MLLT3: variants seen among roughly 807,000 people sequenced by gnomAD.
MLLT3 encodes protein AF-9.
In MLLT3, 4 loss-of-function variants were observed where a neutral mutation model predicts 53.2. The observed-to-expected ratio is 0.08, with a 90% CI of 0.04 to 0.17. The LOEUF (loss-of-function observed/expected upper bound fraction) is 0.17. Among genes scored for constraint, MLLT3 ranks in the 10% least tolerant of loss-of-function variants. The pLI is 1.00. For synonymous variants in MLLT3, 283 were observed against 230.6 expected (o/e 1.23, Z -2.06); for missense variants, 569 against 684.0 (o/e 0.83, Z 1.87).
chr9:20,444,485 A>T (rs1823640424), intron 4 of MLLT3, among the ~76,000 whole-genome samples: 1 of 152,056 alleles, frequency 6.6e-6, no homozygotes, highest in Non-Finnish European at 1.5e-5. Context: ...AACATACAAA[A>T]ATTTATATAA....
At chr9:20,491,525 A>C (rs374623971) in intron 2 of MLLT3, among the ~76,000 whole-genome samples, 61 of 152,282 alleles carry the variant, frequency 4.0e-4, no homozygotes, top group African/African-American at 1.3e-3. Flanking sequence ...ACAGCCAGTC[A>C]ATCACATGCA....
At chr9:20,470,012 T>C (rs1350061755) in intron 2 of MLLT3, among the ~76,000 whole-genome samples, 1 of 152,032 alleles carries the variant, frequency 6.6e-6, no homozygotes, top group Non-Finnish European at 1.5e-5. Flanking sequence ...TAGAATTCTA[T>C]TATAGTCTAA....
chr9:20,472,908 CA>C (rs11436085), intron 2 of MLLT3, among the ~76,000 whole-genome samples: 157 of 136,712 alleles, frequency 1.1e-3, no homozygotes, highest in Admixed American at 1.0e-3. Flanking sequence ...ACTATGCTAA[CA>C]AAAAAAAAAA....
intron 2 of MLLT3, among the ~76,000 whole-genome samples, chr9:20,567,304 T>TAAAAAAAAAAAAAAA (rs35505450): frequency 5.0e-5 from 4 of 79,968 alleles, no homozygotes; most frequent in Admixed American, 1.4e-4. Context: ...CTATATTCAG[T>TAAAAAAAAAAAAAAA]AAAAAAAAAA....
At chr9:20,612,171 G>C (rs1231291222) in intron 2 of MLLT3, among the ~76,000 whole-genome samples, 1 of 152,124 alleles carries the variant, frequency 6.6e-6, no homozygotes, top group Non-Finnish European at 1.5e-5. Flanking sequence ...TTTATTACTA[G>C]TTATCTTTGC....
At chr9:20,522,558 A>G (rs1020663395) in intron 2 of MLLT3, among the ~76,000 whole-genome samples, 2 of 152,122 alleles carry the variant, frequency 1.3e-5, no homozygotes, top group African/African-American at 4.8e-5. Context: ...CTCTTGTTTC[A>G]AATAGGTAAG....
At chr9:20,566,515 T>C (rs1819381634) in intron 2 of MLLT3, among the ~76,000 whole-genome samples, 3 of 152,134 alleles carry the variant, frequency 2.0e-5, no homozygotes, top group Admixed American at 2.0e-4. Context: ...TCCAGCCTGA[T>C]TTATATACTT....
chr9:20,496,050 A>G (rs144981061), intron 2 of MLLT3, among the ~76,000 whole-genome samples: 219 of 152,314 alleles, frequency 1.4e-3, no homozygotes, highest in African/African-American at 5.2e-3. Flanking sequence ...AATATGCAAC[A>G]TGTCACACTT....
chr9:20,441,122 C>T (rs556553312), intron 4 of MLLT3, among the ~76,000 whole-genome samples: 13 of 152,222 alleles, frequency 8.5e-5, no homozygotes, highest in South Asian at 8.3e-4. Flanking sequence ...GCAGTAATGG[C>T]GTTTGAGCTT....
At chr9:20,469,275 G>T (rs569156931) in intron 2 of MLLT3, among the ~76,000 whole-genome samples, 2 of 151,984 alleles carry the variant, frequency 1.3e-5, no homozygotes, top group Non-Finnish European at 2.9e-5. Context: ...ATACCTGGCA[G>T]CATTTATGAG....
chr9:20,343,170 T>C lies in MLLT3; in HGVS notation c.*3273A>G, dbSNP rs1201994835. ...TTTTTTTAAAGATTAGGTGGGCCTG[T>C]AAAAGATATCGGCAAAAAAAAAAAA... On this transcript the variant is annotated 3_prime_UTR_variant, in exon 11 of 11. Coordinates refer to ENST00000380338, the MANE Select transcript of MLLT3 (RefSeq NM_004529.4). 1 of 48,756 alleles carries C rather than the reference T, an allele frequency of 2.1e-5. No homozygotes were observed. Among genetic ancestry groups the C allele is most frequent in the South Asian group, 8.4e-4 (1 of 1,196 alleles). 3.0% of individuals were successfully genotyped at this position (48,756 alleles called of 1,614,324 possible).
intron 2 of MLLT3, among the ~76,000 whole-genome samples, chr9:20,562,611 G>A (rs1044592892): frequency 2.0e-5 from 3 of 152,112 alleles, no homozygotes; most frequent in African/African-American, 7.2e-5. Flanking sequence ...AGAAAAAAAG[G>A]AGTAAATATG....
At chr9:20,371,938 A>T (rs1292591203) in intron 5 of MLLT3, among the ~76,000 whole-genome samples, 1 of 152,248 alleles carries the variant, frequency 6.6e-6, no homozygotes, top group Non-Finnish European at 1.5e-5. Context: ...GATTCACAAG[A>T]GAAGATCAAA....
At chr9:20,440,296 G>A (rs1469323903) in intron 4 of MLLT3, among the ~76,000 whole-genome samples, 2 of 152,040 alleles carry the variant, frequency 1.3e-5, no homozygotes, top group Non-Finnish European at 2.9e-5. Flanking sequence ...TGGTAATGAA[G>A]GTTTTTATAT....
At chr9:20,619,388 A>G (rs1433934181) in intron 2 of MLLT3, among the ~76,000 whole-genome samples, 1 of 152,038 alleles carries the variant, frequency 6.6e-6, no homozygotes, top group African/African-American at 2.4e-5. Context: ...TGAGCTCTGG[A>G]AACAAAACTA....
chr9:20,590,932 TAG>T (rs1820113195), intron 2 of MLLT3, among the ~76,000 whole-genome samples: 1 of 151,830 alleles, frequency 6.6e-6, no homozygotes, highest in South Asian at 2.1e-4. Flanking sequence ...TATTTGACTG[TAG>T]AGATGGGGTC....
rs145077887 is a variant in MLLT3, at chr9:20,553,329, C to G, written c.193+67325G>C. The stretch of plus-strand genomic sequence containing the variant: ...ACTCTAGAAGAGCTTATATGCATAT[C>G]CACAAGGAGGTAATAGTTGTTGAGT... On this transcript the variant is annotated intron_variant, in intron 2 of 10. Coordinates refer to ENST00000380338, the MANE Select transcript of MLLT3 (RefSeq NM_004529.4). 5.4e-4 allele frequency among the ~76,000 whole-genome samples: 82 copies of G among 152,286 alleles called. 1 individual carries two copies. In the East Asian group the frequency reaches 0.012, roughly 22 times the overall value.
intron 2 of MLLT3, among the ~76,000 whole-genome samples, chr9:20,537,638 A>C (rs1818521510): frequency 6.6e-6 from 1 of 152,192 alleles, no homozygotes; most frequent in African/African-American, 2.4e-5. Context: ...GGTTATTTTC[A>C]AATATTTGGA....
chr9:20,546,472 G>A (rs1818790733), intron 2 of MLLT3, among the ~76,000 whole-genome samples: 1 of 151,952 alleles, frequency 6.6e-6, no homozygotes, highest in South Asian at 2.1e-4. Context: ...AAGCCCAAGA[G>A]GTTGAAGGCT....
Sources: gnomAD v4.1 joint callset for allele counts (sites outside exome capture counted in the v4.1 genomes callset) on GRCh38, gnomAD v4.1.1 for gene constraint, MANE v1.5 for transcripts, NCBI Gene and HGNC (gene_info 2026-07-23, HGNC 2026-07-21) for gene names.